The following CHST11 variants were observed in gnomAD, a reference collection of about 807,000 sequenced individuals.
CHST11 encodes the protein C4S-1.
A neutral mutation model predicts 30.4 loss-of-function variants in CHST11; 9 were observed. That is an observed-to-expected ratio of 0.30 (90% CI 0.18 to 0.52). The LOEUF is 0.52. Among genes scored for constraint, CHST11 ranks in the 20% least tolerant of loss-of-function variants. The pLI is 0.97. For missense variants in CHST11, 348 were observed against 460.6 expected, an observed-to-expected ratio of 0.76 and a Z score of 2.24; for synonymous variants, 152 against 187.8, an observed-to-expected ratio of 0.81 and a Z score of 1.56.
intron 1 of CHST11, among the ~76,000 whole-genome samples, chr12:104,466,032 G>A (rs1027835904): frequency 1.3e-5 from 2 of 151,872 alleles, no homozygotes; most frequent in African/African-American, 4.8e-5. Flanking sequence ...GCCAATTTTT[G>A]TATTTTTAGT....
At chr12:104,743,602 T>C (rs2040365612) in intron 2 of CHST11, among the ~76,000 whole-genome samples, 1 of 152,232 alleles carries the variant, frequency 6.6e-6, no homozygotes. Context: ...TGACTTCTCT[T>C]TTTTTAATTT....
At chr12:104,569,625 GA>G (rs1408831658) in intron 1 of CHST11, among the ~76,000 whole-genome samples, 7 of 152,204 alleles carry the variant, frequency 4.6e-5, no homozygotes, top group Non-Finnish European at 8.8e-5. Flanking sequence ...AGAACATAAT[GA>G]AGTGGGGGAG....
At chr12:104,597,536 C>G (rs557712933) in intron 1 of CHST11, among the ~76,000 whole-genome samples, 78 of 152,258 alleles carry the variant, frequency 5.1e-4, no homozygotes, top group Non-Finnish European at 8.8e-4. Context: ...TAGCAAGAAC[C>G]AAACCTCTCT....
intron 2 of CHST11, among the ~76,000 whole-genome samples, chr12:104,632,939 TG>T (rs1229683647): frequency 6.6e-6 from 1 of 152,226 alleles, no homozygotes; most frequent in Non-Finnish European, 1.5e-5. Flanking sequence ...GGGAAGGTGT[TG>T]GTGAAACGCT....
intron 1 of CHST11, among the ~76,000 whole-genome samples, chr12:104,597,422 C>T (rs1281892310): frequency 1.3e-5 from 2 of 152,098 alleles, no homozygotes; most frequent in East Asian, 3.9e-4. Flanking sequence ...GTCCTCAGGG[C>T]CTCAGGGATT....
intron 2 of CHST11, among the ~76,000 whole-genome samples, chr12:104,645,266 A>G (rs2039416237): frequency 6.6e-6 from 1 of 152,152 alleles, no homozygotes; most frequent in African/African-American, 2.4e-5. Context: ...TAAATTAATA[A>G]TAATAGTTCC....
chr12:104,476,951 T>A (rs1420667134), intron 1 of CHST11, among the ~76,000 whole-genome samples: 1 of 152,060 alleles, frequency 6.6e-6, no homozygotes, highest in Non-Finnish European at 1.5e-5. Context: ...CTTGCATGTC[T>A]GAATGAATGA....
chr12:104,586,168 A>T (rs905258582), intron 1 of CHST11, among the ~76,000 whole-genome samples: 1 of 152,132 alleles, frequency 6.6e-6, no homozygotes, highest in African/African-American at 2.4e-5. Context: ...TTGGAGGGAC[A>T]CTGTGCAGTC....
chr12:104,593,108 T>G (rs554933726), intron 1 of CHST11, among the ~76,000 whole-genome samples: 4 of 151,992 alleles, frequency 2.6e-5, no homozygotes, highest in African/African-American at 9.7e-5. Context: ...TTAGATTTAC[T>G]CCCTTGACCT....
chr12:104,521,771 G>A (rs2135988507), intron 1 of CHST11, among the ~76,000 whole-genome samples: 1 of 152,298 alleles, frequency 6.6e-6, no homozygotes, highest in South Asian at 2.1e-4. Context: ...GTTGATTTGA[G>A]TCTACTCCAC....
At chr12:104,732,003 C>T (rs2040261820) in intron 2 of CHST11, among the ~76,000 whole-genome samples, 1 of 152,242 alleles carries the variant, frequency 6.6e-6, no homozygotes, top group African/African-American at 2.4e-5. Flanking sequence ...GCAGAAAGTC[C>T]ACCCCAACAT....
chr12:104,563,972 C>A (rs2038537631), intron 1 of CHST11, among the ~76,000 whole-genome samples: 1 of 152,044 alleles, frequency 6.6e-6, no homozygotes, highest in Admixed American at 6.5e-5. Context: ...TCTGGCACTA[C>A]TAAGGTGTGG....
intron 1 of CHST11, among the ~76,000 whole-genome samples, chr12:104,490,227 A>T (rs571626596): frequency 3.3e-5 from 5 of 152,356 alleles, no homozygotes; most frequent in African/African-American, 1.2e-4. Context: ...AGCCTAGCCA[A>T]ATCACACATC....
At chr12:104,733,870 T>C (rs1029603945) in intron 2 of CHST11, among the ~76,000 whole-genome samples, 1 of 152,238 alleles carries the variant, frequency 6.6e-6, no homozygotes, top group African/African-American at 2.4e-5. Flanking sequence ...ATGGGTCTGG[T>C]TTCTTTGAAA....
chr12:104,632,993 G>C (rs1186254961), intron 2 of CHST11, among the ~76,000 whole-genome samples: 1 of 152,210 alleles, frequency 6.6e-6, no homozygotes, highest in African/African-American at 2.4e-5. Context: ...CTTTATCATC[G>C]ACTTTGTCAG....
At chr12:104,468,457 A>G (rs2037479314) in intron 1 of CHST11, among the ~76,000 whole-genome samples, 1 of 152,198 alleles carries the variant, frequency 6.6e-6, no homozygotes. Flanking sequence ...TGGATGGAAT[A>G]AAAACCAAAC....
chr12:104,457,081 C>T lies in CHST11; in HGVS notation c.-331C>T. 4.9e-6 allele frequency: 1 copy of T among 204,294 alleles called. No homozygotes were observed. The highest frequency in any genetic ancestry group is 9.7e-6 in the Non-Finnish European group (1 of 102,702). 12.7% of individuals were successfully genotyped at this position (204,294 alleles called of 1,614,324 possible). A position where few individuals can be genotyped will look rare whatever the true frequency, so the allele number is the denominator to read the frequency against. On this transcript the variant is annotated 5_prime_UTR_variant, in exon 1 of 3. Coordinates refer to ENST00000303694, the MANE Select transcript of CHST11 (RefSeq NM_018413.6). ...GCAGCGGCGGCGGCACCACCATCAC[C>T]GCTCGCACCCCAGCCGCCCGGCCCG...
intron 1 of CHST11, among the ~76,000 whole-genome samples, chr12:104,464,057 C>T (rs1456911788): frequency 6.6e-6 from 1 of 150,634 alleles, no homozygotes; most frequent in African/African-American, 2.5e-5. Flanking sequence ...AATGAAGTCT[C>T]CTACTTGCAC....
At chr12:104,494,292 C>A (rs1299787637) in intron 1 of CHST11, among the ~76,000 whole-genome samples, 1 of 152,238 alleles carries the variant, frequency 6.6e-6, no homozygotes, top group African/African-American at 2.4e-5. Context: ...AGCTTGTGAG[C>A]TTGTGAGCTG....
Sources: allele counts gnomAD v4.1 joint callset (sites outside exome capture counted in the v4.1 genomes callset), GRCh38; gene constraint gnomAD v4.1.1; transcripts MANE v1.5; gene names NCBI Gene and HGNC (gene_info 2026-07-23, HGNC 2026-07-21).